The following NXNL2 variants were observed in gnomAD, a reference collection of about 807,000 sequenced individuals.
NXNL2 encodes nucleoredoxin-like protein 2.
Under a neutral mutation model 11.1 loss-of-function variants are expected in NXNL2, and 7 were observed. The ratio of observed to expected loss-of-function variants is 0.63; its 90% CI spans 0.36 to 1.18. The LOEUF (loss-of-function observed/expected upper bound fraction) is 1.18. NXNL2 is among the 50% of genes most tolerant of loss of function. The pLI is 0.02. For missense variants in NXNL2, 233 were observed against 217.7 expected (o/e 1.07, Z -0.44); for synonymous variants, 109 against 101.8 (o/e 1.07, Z -0.42).
At chr9:88,578,719 G>T (rs1271209666), downstream of NXNL2, among the ~76,000 whole-genome samples, 1 of 152,240 alleles carries the variant, frequency 6.6e-6, no homozygotes, top group Non-Finnish European at 1.5e-5. Context: ...TGGGCGCTCA[G>T]CCCCATCTCC....
chr9:88,561,157 A>G (rs116798042), intron 1 of NXNL2, among the ~76,000 whole-genome samples: 3,929 of 152,170 alleles, frequency 0.026, 176 homozygotes, highest in African/African-American at 0.087. Flanking sequence ...AGTCAGGTGG[A>G]CACCATCTAA....
chr9:88,571,801 C>CGGG (rs1830269830), intron 2 of NXNL2, among the ~76,000 whole-genome samples: 1 of 152,194 alleles, frequency 6.6e-6, no homozygotes, highest in South Asian at 2.1e-4. Context: ...CTGGGCAAGA[C>CGGG]GGGGGTTCAG....
At chr9:88,576,968 AG>A (rs57657099), downstream of NXNL2, among the ~76,000 whole-genome samples, 151,378 of 152,028 alleles carry the variant, frequency 1, 75,366 homozygotes, top group Middle Eastern at 1. Context: ...AGTGGTAGGT[AG>A]GGGGGGTCCC....
At chr9:88,543,413 C>A (rs929693571) in intron 1 of NXNL2, among the ~76,000 whole-genome samples, 2 of 152,116 alleles carry the variant, frequency 1.3e-5, no homozygotes, top group South Asian at 2.1e-4. Flanking sequence ...ACTATAGGTG[C>A]ATGCTACCAC....
intron 1 of NXNL2, among the ~76,000 whole-genome samples, chr9:88,540,790 T>A (rs933994549): frequency 7.0e-6 from 1 of 143,788 alleles, no homozygotes; most frequent in African/African-American, 2.5e-5. Flanking sequence ...CTGGCAGGGG[T>A]CATGCAGCCC....
rs187405393 is a variant in NXNL2 at position 88,571,068 on chromosome 9, T to G, written c.303-19T>G. On this transcript the variant is annotated intron_variant, in intron 1 of 2. Coordinates refer to the NXNL2 transcript ENST00000375855. ...CCCCAATACTGTTTTGATGCTTTCTTTTCTTTTTTTTTTTTCAGACGGAGT... is the reference window on the plus strand; with the variant it reads ...CCCCAATACTGTTTTGATGCTTTCTGTTCTTTTTTTTTTTTCAGACGGAGT... 225 of 417,838 alleles carry G rather than the reference T, an allele frequency of 5.4e-4. 5 individuals carry two copies. The East Asian group carries it at 0.017, about 31-fold the overall frequency. 25.9% of individuals were successfully genotyped at this position (417,838 alleles called of 1,614,324 possible).
downstream of NXNL2, among the ~76,000 whole-genome samples, chr9:88,577,735 C>T (rs748168524): frequency 7.9e-5 from 12 of 152,162 alleles, no homozygotes; most frequent in Non-Finnish European, 1.5e-4. Context: ...CTTATGACCT[C>T]ATTTCAAAAG....
At chr9:88,546,148 C>CGTGTGTGT (rs747134247), downstream of NXNL2, among the ~76,000 whole-genome samples, 15,887 of 147,392 alleles carry the variant, frequency 0.11, 1,433 homozygotes, top group East Asian at 0.54. Context: ...ACTGAGTGTT[C>CGTGTGTGT]GTGTGTGTGT....
At chr9:88,550,467 G>A (rs148608892) in intron 1 of NXNL2, among the ~76,000 whole-genome samples, 269 of 152,342 alleles carry the variant, frequency 1.8e-3, no homozygotes, top group African/African-American at 5.8e-3. Flanking sequence ...TGGCTTACAT[G>A]TAAGGGTTTT....
At chr9:88,563,864 A>C (rs561706331) in intron 1 of NXNL2, among the ~76,000 whole-genome samples, 35 of 150,926 alleles carry the variant, frequency 2.3e-4, no homozygotes, top group South Asian at 2.1e-3. Flanking sequence ...CCCTTCCCTG[A>C]CCCTCCCATT....
At chr9:88,557,648 C>G (rs1830035529) in intron 1 of NXNL2, among the ~76,000 whole-genome samples, 1 of 152,132 alleles carries the variant, frequency 6.6e-6, no homozygotes, top group South Asian at 2.1e-4. Context: ...GACCTTTGTC[C>G]AAAAATGAGC....
At chr9:88,543,012 G>T (rs989645135) in intron 1 of NXNL2, among the ~76,000 whole-genome samples, 26 of 152,200 alleles carry the variant, frequency 1.7e-4, no homozygotes, top group African/African-American at 6.0e-4. Context: ...TCACCCGGCT[G>T]CCCTGTCTTG....
At chr9:88,542,011 A>G (rs1217714868) in intron 1 of NXNL2, among the ~76,000 whole-genome samples, 1 of 151,964 alleles carries the variant, frequency 6.6e-6, no homozygotes, top group African/African-American at 2.4e-5. Flanking sequence ...TAGGCGGATC[A>G]CGAGGTCAGG....
At chr9:88,551,076 G>T (rs1308338794) in intron 1 of NXNL2, among the ~76,000 whole-genome samples, 1 of 152,054 alleles carries the variant, frequency 6.6e-6, no homozygotes, top group Non-Finnish European at 1.5e-5. Context: ...TCTCAAGCGT[G>T]GTCTATTCTC....
intron 1 of NXNL2, among the ~76,000 whole-genome samples, chr9:88,581,699 G>A (rs1427300665): frequency 6.6e-6 from 1 of 152,110 alleles, no homozygotes; most frequent in Non-Finnish European, 1.5e-5. Flanking sequence ...CAGGTGATCC[G>A]CCCACCTCGG....
chr9:88,576,782 G>A (rs1459181880), downstream of NXNL2, among the ~76,000 whole-genome samples: 2 of 152,098 alleles, frequency 1.3e-5, no homozygotes, highest in Non-Finnish European at 2.9e-5. Flanking sequence ...CAGGGAGGTC[G>A]GCCCTGCTTT....
chr9:88,577,270 A>G (rs1281683242), downstream of NXNL2, among the ~76,000 whole-genome samples: 3 of 151,090 alleles, frequency 2.0e-5, no homozygotes, highest in Non-Finnish European at 4.4e-5. Context: ...TCTACTGCTC[A>G]TGGATGGGGT....
chr9:88,555,796 G>T (rs530388138), intron 1 of NXNL2, among the ~76,000 whole-genome samples: 1 of 152,310 alleles, frequency 6.6e-6, no homozygotes, highest in South Asian at 2.1e-4. Context: ...CTCAGTTCTT[G>T]CTACTGTCCC....
chr9:88,576,274 G>A (rs1830347421), downstream of NXNL2, among the ~76,000 whole-genome samples: 2 of 152,146 alleles, frequency 1.3e-5, no homozygotes, highest in African/African-American at 2.4e-5. Context: ...TGACTCTCCC[G>A]ACATGTGAAC....
Sources: allele counts gnomAD v4.1 joint callset (sites outside exome capture counted in the v4.1 genomes callset), GRCh38; gene constraint gnomAD v4.1.1; transcripts MANE v1.5; gene names NCBI Gene and HGNC (gene_info 2026-07-23, HGNC 2026-07-21).